ZNF423: variants seen among roughly 807,000 people sequenced by gnomAD.
ZNF423 encodes the protein Ebf-associated zinc finger protein.
ZNF423 carries 12 observed loss-of-function variants against 95.8 expected under a neutral mutation model. The observed-to-expected ratio is 0.13, with a 90% confidence interval of 0.08 to 0.20. ZNF423 has a LOEUF of 0.20. Among genes scored for constraint, ZNF423 ranks in the 10% least tolerant of loss-of-function variants. ZNF423 has a pLI of 1.00. For synonymous variants in ZNF423, 749 were observed against 711.9 expected (o/e 1.05, Z -0.83); for missense variants, 1,316 against 1,737.1 (o/e 0.76, Z 4.31).
At chr16:49,605,746 G>A (rs1159211930) in intron 5 of ZNF423, among the ~76,000 whole-genome samples, 3 of 152,354 alleles carry the variant, frequency 2.0e-5, no homozygotes, top group Non-Finnish European at 4.4e-5. Context: ...GAAGAGTGGA[G>A]TCATTCCCAA....
intron 5 of ZNF423, among the ~76,000 whole-genome samples, chr16:49,564,566 G>T (rs941125469): frequency 6.6e-6 from 1 of 152,230 alleles, no homozygotes; most frequent in Non-Finnish European, 1.5e-5. Flanking sequence ...AGGACAGCTG[G>T]CAGCAGGTGG....
At chr16:49,639,986 C>T (rs745956396) in intron 3 of ZNF423, among the ~76,000 whole-genome samples, 13 of 152,184 alleles carry the variant, frequency 8.5e-5, no homozygotes, top group Non-Finnish European at 1.5e-4. Context: ...AGTTTCTCTT[C>T]GGCTGGATTT....
intron 2 of ZNF423, chr16:49,731,482 A>G (rs1001827624): frequency 1.1e-5 from 6 of 543,118 alleles, no homozygotes; most frequent in African/African-American, 1.0e-4. Flanking sequence ...GGAAGTACAC[A>G]TGTTTGAAGA....
chr16:49,556,132 G>A (rs1322062820), intron 5 of ZNF423, among the ~76,000 whole-genome samples: 1 of 152,162 alleles, frequency 6.6e-6, no homozygotes, highest in Admixed American at 6.6e-5. Context: ...TCCGACCTTC[G>A]GAGCTTTCCA....
At chr16:49,836,901 G>A (rs1006054894) in intron 1 of ZNF423, among the ~76,000 whole-genome samples, 3 of 152,136 alleles carry the variant, frequency 2.0e-5, no homozygotes, top group Non-Finnish European at 4.4e-5. Flanking sequence ...CTCAGACCCT[G>A]GGAACCCAGG....
intron 5 of ZNF423, among the ~76,000 whole-genome samples, chr16:49,565,817 G>A (rs1408567914): frequency 1.3e-5 from 2 of 151,830 alleles, no homozygotes; most frequent in Non-Finnish European, 2.9e-5. Context: ...AATAGGGAAA[G>A]AGAGAAAGGA....
intron 2 of ZNF423, among the ~76,000 whole-genome samples, chr16:49,735,200 A>G (rs1054093299): frequency 5.9e-5 from 9 of 151,950 alleles, no homozygotes; most frequent in Admixed American, 5.2e-4. Context: ...TCAACCCCAT[A>G]AACTTCCAAG....
rs529034912 is a variant in ZNF423, at chr16:49,837,478, C to G, written c.40+18257G>C. ...TAGGGGTCATTTAAGCACAAGGCCC[C>G]GGTGGCTTTCCCTGGGGACTCCCCA... On this transcript the variant is annotated intron_variant, in intron 1 of 7. Coordinates refer to ENST00000563137, the MANE Select transcript of ZNF423 (RefSeq NM_001379286.1). Among the ~76,000 whole-genome samples, 19 of 152,270 alleles carry G rather than the reference C, an allele frequency of 1.2e-4. No homozygotes were observed. The East Asian group carries it at 3.5e-3, about 28-fold the overall frequency.
intron 5 of ZNF423, among the ~76,000 whole-genome samples, chr16:49,622,403 C>T (rs1197686132): frequency 6.6e-6 from 1 of 151,620 alleles, no homozygotes; most frequent in African/African-American, 2.4e-5. Flanking sequence ...CAAGCACCTA[C>T]AGCCCCCCAG....
chr16:49,638,327 C>T lies in ZNF423; in HGVS notation c.849G>A (p.Thr283=), dbSNP rs752433519. ...CDYCEDTFSQ[T]EELEKHVLTR... is the part of the protein sequence containing the mutation. Reference sequence around the variant, plus strand: ...TGAGCACGTGCTTCTCCAGCTCCTCCGTCTGGCTGAAGGTGTCCTCGCAGT... The same window carrying T: ...TGAGCACGTGCTTCTCCAGCTCCTCTGTCTGGCTGAAGGTGTCCTCGCAGT... The change falls in exon 4 of 8, where the codon ACG becomes ACA. Residue 283 remains threonine, a synonymous_variant. Transcript: ENST00000563137. This position sits in a 1 kb window ranked among gnomAD's most constrained non-coding sequence, Gnocchi z 5.6. 9.9e-6 allele frequency: 16 copies of T among 1,613,982 alleles called. No individual in the cohort carries two copies. The highest frequency in any genetic ancestry group is 1.2e-5 in the Non-Finnish European group (14 of 1,180,062).
intron 3 of ZNF423, among the ~76,000 whole-genome samples, chr16:49,661,217 C>CAAAAAA (rs397959711): frequency 0.017 from 1,691 of 97,622 alleles, 16 homozygotes; most frequent in Non-Finnish European, 0.026. Context: ...GACTTCATCT[C>CAAAAAA]AAAAAAAAAA....
chr16:49,653,804 T>C (rs1331382639), intron 3 of ZNF423, among the ~76,000 whole-genome samples: 1 of 152,232 alleles, frequency 6.6e-6, no homozygotes, highest in African/African-American at 2.4e-5. Context: ...CTTCCCTGAC[T>C]GCCTCTGTCA....
intron 1 of ZNF423, among the ~76,000 whole-genome samples, chr16:49,814,755 C>G (rs1387505405): frequency 2.0e-5 from 3 of 150,878 alleles, no homozygotes; most frequent in African/African-American, 7.2e-5. Flanking sequence ...CCCCATTTAT[C>G]TACCTCATTC....
rs2035352158 is a variant in ZNF423, at chr16:49,855,447, G to T, written c.40+288C>A. ...AAGGGCCCCTTAGCGGCGCCCCCAGGCCTGGGTCCCCCAAGGGCGACGGCG... is the reference window on the plus strand; with the variant it reads ...AAGGGCCCCTTAGCGGCGCCCCCAGTCCTGGGTCCCCCAAGGGCGACGGCG... On this transcript the variant is annotated intron_variant, in intron 1 of 7. Coordinates refer to ENST00000563137, the MANE Select transcript of ZNF423 (RefSeq NM_001379286.1). This position sits in a 1 kb window ranked among gnomAD's most constrained non-coding sequence, Gnocchi z 4.7. 6.6e-6 allele frequency among the ~76,000 whole-genome samples: 1 copy of T among 151,058 alleles called. No homozygotes were observed. The highest frequency in any genetic ancestry group is 2.1e-4 in the South Asian group (1 of 4,814).
intron 5 of ZNF423, among the ~76,000 whole-genome samples, chr16:49,596,436 C>T (rs148004802): frequency 6.6e-6 from 1 of 152,340 alleles, no homozygotes; most frequent in Non-Finnish European, 1.5e-5. Context: ...TCTCGAAGGC[C>T]TCAGCCCTTA....
Position 49,498,208 on chromosome 16 carries a change from T to C in ZNF423, c.3850-6904A>G, listed in dbSNP as rs143756882. Among the ~76,000 whole-genome samples the C allele has an allele frequency of 1.3e-3, 198 of 152,300 alleles. 2 individuals are homozygous for C. The highest frequency in any genetic ancestry group is 4.4e-3 in the African/African-American group (181 of 41,564). ...GCTCATTTAAGCCTCACGACTGCCCTGCGCATTAAATACTCTCATCCTCCC... is the reference window on the plus strand; with the variant it reads ...GCTCATTTAAGCCTCACGACTGCCCCGCGCATTAAATACTCTCATCCTCCC... On this transcript the variant is annotated intron_variant, in intron 7 of 7. Transcript: ENST00000563137.
intron 2 of ZNF423, among the ~76,000 whole-genome samples, chr16:49,749,847 A>G (rs2033600194): frequency 6.6e-6 from 1 of 152,192 alleles, no homozygotes; most frequent in Admixed American, 6.5e-5. Flanking sequence ...TCGCTTTGCA[A>G]ATGGGTTCAC....
intron 1 of ZNF423, among the ~76,000 whole-genome samples, chr16:49,849,899 CGTCCCGCTGTCAGCGA>C (rs2035284726): frequency 6.6e-6 from 1 of 152,180 alleles, no homozygotes; most frequent in African/African-American, 2.4e-5. Context: ...GCTGGGAGGC[CGTCCCGCTGTCAGCGA>C]GGGCTGACAA....
At chr16:49,766,034 T>C (rs1567333212) in intron 2 of ZNF423, among the ~76,000 whole-genome samples, 1 of 152,200 alleles carries the variant, frequency 6.6e-6, no homozygotes, top group African/African-American at 2.4e-5. Context: ...TGAATGTACC[T>C]AATGCTGCTG....
Sources: allele counts gnomAD v4.1 joint callset (sites outside exome capture counted in the v4.1 genomes callset), GRCh38; gene constraint gnomAD v4.1.1; non-coding constraint Gnocchi (gnomAD v3.1); transcripts MANE v1.5; gene names NCBI Gene and HGNC (gene_info 2026-07-23, HGNC 2026-07-21).